PLEC: variants seen among roughly 807,000 people sequenced by gnomAD.
PLEC encodes the protein plectin.
Under a neutral mutation model 392.8 loss-of-function variants are expected in PLEC, and 216 were observed. The ratio of observed to expected loss-of-function variants is 0.55; its 90% CI spans 0.49 to 0.62. The LOEUF (loss-of-function observed/expected upper bound fraction) is 0.62, where lower values mean the gene tolerates loss of function less well. Ranked by LOEUF, PLEC falls within the 20% of genes least tolerant of loss-of-function variation. The pLI is 0.00. For synonymous variants in PLEC, 3,621 were observed against 2,980.6 expected (o/e 1.21, Z -7.00); for missense variants, 6,863 against 6,563.4 (o/e 1.05, Z -1.58).
At chr8:143,966,620 C>T (rs570547663) in intron 1 of PLEC, among the ~76,000 whole-genome samples, 27 of 151,316 alleles carry the variant, frequency 1.8e-4, no homozygotes, top group Non-Finnish European at 3.7e-4. Context: ...TTTCAAGCCA[C>T]ACCTGCCACA....
At chr8:143,972,778 C>T (rs1408001992) in intron 1 of PLEC, among the ~76,000 whole-genome samples, 1 of 152,186 alleles carries the variant, frequency 6.6e-6, no homozygotes, top group Non-Finnish European at 1.5e-5. Context: ...AGGGGCTCCC[C>T]GTGGGCGTGG....
At chr8:143,942,642 C>A (rs138776721), upstream of PLEC, 7 of 1,189,098 alleles carry the variant, frequency 5.9e-6, no homozygotes, top group Admixed American at 3.0e-5. Flanking sequence ...CCACCTCCCC[C>A]CCACAATCCG....
chr8:143,922,697 T>G lies in PLEC; in HGVS notation c.7232A>C (p.Glu2411Ala), dbSNP rs782557320. The G allele has an allele frequency of 3.1e-6, 5 of 1,612,524 alleles. No homozygotes were observed. The highest frequency in any genetic ancestry group is 1.7e-4 in the Middle Eastern group (1 of 5,876). ...EDAQRFRKQA[E>A]EIGEKLHRTE... is the part of the protein sequence containing the mutation. The stretch of plus-strand genomic sequence containing the variant: ...GCGGTGCAGCTTCTCACCGATCTCC[T>G]CCGCCTGCTTCCGGAAGCGCTGGGC... The change falls in exon 31 of 32, where the codon GAG (glutamate) becomes GCG (alanine). Residue 2411 changes from glutamate (E) to alanine (A), a missense_variant. Physicochemically the swap from Glu to Ala is moderately radical, Grantham distance 107. Transcript: ENST00000345136.
intron 25 of PLEC, among the ~76,000 whole-genome samples, chr8:143,928,291 C>T (rs894621227): frequency 5.3e-5 from 8 of 152,254 alleles, no homozygotes; most frequent in South Asian, 2.1e-4. Context: ...TGGATGACAG[C>T]GGCATCCTGG....
At chr8:143,944,026 G>T, upstream of PLEC, 1 of 1,344,632 alleles carries the variant, frequency 7.4e-7, no homozygotes, top group Non-Finnish European at 1.0e-6. Context: ...CCGCAGGACC[G>T]CCCCATACGC....
Position 143,918,463 on chromosome 8 carries a change from C to T in PLEC, c.11358G>A (p.Met3786Ile), listed in dbSNP as rs1554675351. 6.3e-7 allele frequency: 1 copy of T among 1,591,954 alleles called. No homozygotes were observed. Among genetic ancestry groups the T allele is most frequent in the Non-Finnish European group, 8.5e-7 (1 of 1,170,896 alleles). Residue 3786 changes from methionine (M) to isoleucine (I), a missense_variant, in exon 32 of 32, where the codon ATG becomes ATA. Met to Ile is a conservative substitution (Grantham distance 10). Transcript: ENST00000345136. Reference sequence around the variant, plus strand: ...CCTCAGTAGGGATCAGCTCCTTCTTCATGGCCTGGAAGAGCGAGATGGTCT... The same window carrying T: ...CCTCAGTAGGGATCAGCTCCTTCTTTATGGCCTGGAAGAGCGAGATGGTCT... ...TEQTISLFQAMKKELIPTEEA... is the reference protein window; with the variant it reads ...TEQTISLFQAIKKELIPTEEA...
At position 143,969,312 on chromosome 8, in the gene PLEC, C is replaced by G. The variant is rs568063460; in HGVS notation, c.70+4091G>C. Among the ~76,000 whole-genome samples, 25 of 152,330 alleles carry G rather than the reference C, an allele frequency of 1.6e-4. No individual in the cohort carries two copies. In the South Asian group the frequency reaches 5.2e-3, roughly 32 times the overall value. On this transcript the variant is annotated intron_variant, in intron 1 of 31. Coordinates refer to the PLEC transcript ENST00000356346. The surrounding 1 kb of genome is among the most constrained non-coding windows in gnomAD (Gnocchi z 5.1). ...GTCTGCCTGAGCCCCTCAGCCCCCC[C>G]ATTCTCCCTGTCCCCCATCCAGGGC...
At chr8:143,958,692 A>T (rs1554739934), upstream of PLEC, 1 of 453,152 alleles carries the variant, frequency 2.2e-6, no homozygotes, top group Non-Finnish European at 4.5e-6. This position sits in a 1 kb window ranked among gnomAD's most constrained non-coding sequence, Gnocchi z 4.9. Flanking sequence ...TCACGCAGGC[A>T]CCTGCTCTGC....
In PLEC at chr8:143,921,363, G is replaced by A; in HGVS notation, c.8458C>T (p.His2820Tyr). 1 of 1,613,546 alleles carries A rather than the reference G, an allele frequency of 6.2e-7. No homozygotes were observed. The highest frequency in any genetic ancestry group is 2.2e-5 in the East Asian group (1 of 44,872). ...IATGGVIDPV[H>Y]SHRVPVDVAY... is the part of the protein sequence containing the mutation. ...ACGTCCACGGGCACGCGGTGGCTGT[G>A]CACGGGGTCGATAACGCCGCCCGTG... is the stretch of plus-strand genomic sequence containing the variant. Residue 2820 changes from histidine (H) to tyrosine (Y), a missense_variant, in exon 32 of 32, where the codon CAC (histidine) becomes TAC (tyrosine). By Grantham distance (83) the His-to-Tyr change is moderately conservative. Coordinates refer to ENST00000345136, the MANE Select transcript of PLEC (RefSeq NM_201384.3).
intron 1 of PLEC, among the ~76,000 whole-genome samples, chr8:143,959,037 C>T (rs1554740012): frequency 6.6e-6 from 1 of 152,230 alleles, no homozygotes; most frequent in Non-Finnish European, 1.5e-5. Flanking sequence ...AAGGAATGAG[C>T]TTACATCGTT....
In PLEC at chr8:143,924,533, A is replaced by G; in HGVS notation, c.5396T>C (p.Leu1799Pro). 2 of 1,538,270 alleles carry G rather than the reference A, an allele frequency of 1.3e-6. No individual in the cohort carries two copies. The highest frequency in any genetic ancestry group is 1.7e-6 in the Non-Finnish European group (2 of 1,148,980). ...LEAEAGRFRE[L>P]AEEAARLRAL... is the part of the protein sequence containing the mutation. Reference sequence around the variant, plus strand: ...ACGCAGGCGGGCGGCCTCCTCGGCCAGCTCGCGGAACCGGCCGGCCTCGGC... The same window carrying G: ...ACGCAGGCGGGCGGCCTCCTCGGCCGGCTCGCGGAACCGGCCGGCCTCGGC... The change falls in exon 31 of 32, where the codon CTG becomes CCG. Residue 1799 changes from leucine to proline, a missense_variant. Leu to Pro is a moderately conservative substitution (Grantham distance 98). Coordinates refer to ENST00000345136, the MANE Select transcript of PLEC (RefSeq NM_201384.3).
Position 143,973,135 on chromosome 8 carries a change from C to G in PLEC, c.70+268G>C, listed in dbSNP as rs938457996. Among the ~76,000 whole-genome samples, 2 of 152,188 alleles carry G rather than the reference C, an allele frequency of 1.3e-5. No individual in the cohort carries two copies. Among genetic ancestry groups the G allele is most frequent in the South Asian group, 4.1e-4 (2 of 4,838 alleles). On this transcript the variant is annotated intron_variant, in intron 1 of 31. Coordinates refer to the PLEC transcript ENST00000356346. The surrounding 1 kb of genome is among the most constrained non-coding windows in gnomAD (Gnocchi z 5.6). ...TCCTGGCTCAGACAGCCGACCCCGA[C>G]AAGCCCTGAGCGCCCCCACCCGCCC...
chr8:143,948,042 A>G (rs1455289313), intron 1 of PLEC, among the ~76,000 whole-genome samples: 1 of 152,242 alleles, frequency 6.6e-6, no homozygotes, highest in African/African-American at 2.4e-5. Context: ...CAGGGGCTCC[A>G]TCTGGGTCTG....
chr8:143,943,245 C>G (rs1377847066), upstream of PLEC, among the ~76,000 whole-genome samples: 1 of 152,254 alleles, frequency 6.6e-6, no homozygotes, highest in African/African-American at 2.4e-5. Context: ...GCTGCCCAAT[C>G]CCCAGGGCCC....
upstream of PLEC, among the ~76,000 whole-genome samples, chr8:143,954,799 C>T (rs550564818): frequency 7.9e-5 from 12 of 152,284 alleles, no homozygotes; most frequent in African/African-American, 2.4e-4. The surrounding 1 kb of genome is among the most constrained non-coding windows in gnomAD (Gnocchi z 4.6). Flanking sequence ...CTGTGCTCCA[C>T]CCCAGTCCGT....
Position 143,929,840 on chromosome 8 carries a change from C to G in PLEC, c.2740-11G>C, listed in dbSNP as rs1554712170. The G allele has an allele frequency of 6.3e-7, 1 of 1,599,766 alleles. No homozygotes were observed. ...CTTCAGGGTGCGGAACTGGGGGAAG[C>G]ACGTGGGGCTGAGTGCCGGGCGAGG... is the stretch of plus-strand genomic sequence containing the variant. On this transcript the variant is annotated splice_polypyrimidine_tract_variant and intron_variant, in intron 22 of 31. Coordinates refer to ENST00000345136, the MANE Select transcript of PLEC (RefSeq NM_201384.3).
chr8:143,925,591 G>C lies in PLEC; in HGVS notation c.4338C>G (p.Ser1446Arg), dbSNP rs1824819898. ...GGATCTCCTCCTCGATGCGCAGCCG[G>C]CTGCGCTCAGCCGCCTCTGCCTGCC... ...KARQAEAAER[S>R]RLRIEEEIRV... Residue 1446 changes from serine (S) to arginine (R), a missense_variant, in exon 31 of 32, where the codon AGC (serine) becomes AGG (arginine). Ser to Arg is a moderately radical substitution (Grantham distance 110). Coordinates refer to ENST00000345136, the MANE Select transcript of PLEC (RefSeq NM_201384.3). The C allele has an allele frequency of 6.4e-7, 1 of 1,571,858 alleles. No individual in the cohort carries two copies. Among genetic ancestry groups the C allele is most frequent in the African/African-American group, 1.3e-5 (1 of 74,234 alleles).
At chr8:143,939,206 T>G in intron 1 of PLEC, 144 bp downstream of exon 1, 2 of 1,147,752 alleles carry the variant, frequency 1.7e-6, no homozygotes, top group Non-Finnish European at 2.5e-6. Flanking sequence ...CCACTCCGTG[T>G]TGGGTGGGGA....
chr8:143,956,654 T>G (rs1832611482), upstream of PLEC, among the ~76,000 whole-genome samples: 1 of 152,218 alleles, frequency 6.6e-6, no homozygotes, highest in South Asian at 2.1e-4. Context: ...CAGCTTTTCA[T>G]GCACCGACTC....
Sources: allele counts gnomAD v4.1 joint callset (sites outside exome capture counted in the v4.1 genomes callset), GRCh38; gene constraint gnomAD v4.1.1; non-coding constraint Gnocchi (gnomAD v3.1); transcripts MANE v1.5; gene names NCBI Gene and HGNC (gene_info 2026-07-23, HGNC 2026-07-21).